Variants in PIR observed in about 807,000 individuals in gnomAD.
PIR encodes the protein pirin (iron-binding nuclear protein).
A neutral mutation model predicts 24.2 loss-of-function variants in PIR; 22 were observed. The ratio of observed to expected loss-of-function variants is 0.91; its 90% confidence interval spans 0.65 to 1.30. PIR has a LOEUF of 1.30. Among genes scored for constraint, PIR ranks in the 50% most tolerant of loss-of-function variants. The pLI is 0.00. For synonymous variants in PIR, 80 were observed against 79.6 expected (o/e 1.00, Z -0.03); for missense variants, 220 against 220.3 (o/e 1.00, Z 0.01).
At chrX:15,407,335 T>G (rs1924579684) in intron 7 of PIR, among the ~76,000 whole-genome samples, 171 bp downstream of exon 7, 1 of 112,301 alleles carries the variant, frequency 8.9e-6, no homozygotes, top group African/African-American at 3.2e-5. Flanking sequence ...TTCTGTAAGC[T>G]GAAAGGCACC....
chrX:15,468,587 G>A (rs1023051193), intron 3 of PIR, among the ~76,000 whole-genome samples: 1 of 111,991 alleles, frequency 8.9e-6, no homozygotes, highest in African/African-American at 3.2e-5. Flanking sequence ...ACCTTTTTAT[G>A]GGTACGTTAT....
chrX:15,394,124 T>C (rs759257297), intron 8 of PIR, among the ~76,000 whole-genome samples: 1 of 110,729 alleles, frequency 9.0e-6, no homozygotes, highest in East Asian at 2.8e-4. Context: ...TATAGTGATA[T>C]ATTACCTGAA....
At chrX:15,443,515 T>C (rs1925988859) in intron 5 of PIR, among the ~76,000 whole-genome samples, 1 of 111,667 alleles carries the variant, frequency 9.0e-6, no homozygotes, top group Non-Finnish European at 1.9e-5. Flanking sequence ...TAATATTCAA[T>C]AATTTAATTG....
chrX:15,401,835 CT>C (rs58321652), intron 7 of PIR, among the ~76,000 whole-genome samples: 18,175 of 111,130 alleles, frequency 0.16, 1,402 homozygotes, highest in East Asian at 0.46. Context: ...TTTTCTTTTC[CT>C]TTTTTTCTAT....
chrX:15,400,040 C>T (rs1468738052), intron 7 of PIR, among the ~76,000 whole-genome samples: 1 of 111,547 alleles, frequency 9.0e-6, no homozygotes, highest in Non-Finnish European at 1.9e-5. Context: ...CCCACTGTGG[C>T]CAATTTCAAC....
chrX:15,441,044 T>A lies in PIR; in HGVS notation c.480+14804A>T, dbSNP rs137990156. Among the ~76,000 whole-genome samples the A allele has an allele frequency of 5.1e-3, 569 of 111,580 alleles. 6 individuals are homozygous for A. The highest frequency in any genetic ancestry group is 0.018 in the African/African-American group (537 of 30,657). Reference sequence around the variant, plus strand: ...TTACCTTTTGGGACTATTTTTAAAGTGAAATGAATGAGAATTGAGGTTGAA... The same window carrying A: ...TTACCTTTTGGGACTATTTTTAAAGAGAAATGAATGAGAATTGAGGTTGAA... On this transcript the variant is annotated intron_variant, in intron 5 of 9. Coordinates refer to ENST00000380420, the MANE Select transcript of PIR (RefSeq NM_001018109.3).
chrX:15,486,309 AAAG>A (rs200656844), intron 2 of PIR, among the ~76,000 whole-genome samples: 1,776 of 103,703 alleles, frequency 0.017, 68 homozygotes, highest in African/African-American at 0.058. Flanking sequence ...AAAAAAAAAA[AAAG>A]AAGGTCAATC....
intron 3 of PIR, among the ~76,000 whole-genome samples, chrX:15,461,643 T>C (rs111631507): frequency 0.032 from 3,496 of 110,345 alleles, 147 homozygotes; most frequent in African/African-American, 0.11. Context: ...ATTAGCCGGG[T>C]GTGGTGGCAG....
chrX:15,395,690 C>T (rs1275638137), intron 8 of PIR, among the ~76,000 whole-genome samples: 2 of 112,484 alleles, frequency 1.8e-5, no homozygotes, highest in Non-Finnish European at 3.8e-5. Context: ...GCAGTAAAGC[C>T]AAGATTCAAA....
chrX:15,434,751 C>T (rs1925694818), intron 5 of PIR, among the ~76,000 whole-genome samples: 2 of 106,450 alleles, frequency 1.9e-5, no homozygotes, highest in African/African-American at 6.9e-5. Context: ...GTTATTATCT[C>T]CCAGTTTGTT....
intron 5 of PIR, among the ~76,000 whole-genome samples, chrX:15,450,455 A>G (rs931073977): frequency 6.0e-4 from 66 of 110,718 alleles, no homozygotes; most frequent in African/African-American, 2.1e-3. Context: ...CGTATATGTT[A>G]CCTGTTTCCA....
At chrX:15,418,677 G>A (rs762532986) in intron 6 of PIR, among the ~76,000 whole-genome samples, 3 of 111,889 alleles carry the variant, frequency 2.7e-5, no homozygotes, top group Admixed American at 1.9e-4. Flanking sequence ...CTAGCCTGAA[G>A]GAAATAAAGA....
rs372506134 is a variant in PIR at position 15,491,202 on chromosome X, C to G, written c.56G>C (p.Gly19Ala). The G allele has an allele frequency of 2.5e-6, 3 of 1,206,123 alleles. No homozygotes were observed. The African/African-American group carries it at 5.3e-5, about 21-fold the overall frequency. ...LSVLSREQSEGVGARVRRSIG... is the reference protein window; with the variant it reads ...LSVLSREQSEAVGARVRRSIG... ...GCTTCTCCGGACCCTCGCTCCAACC[C>G]CTTCCGACTGCTCCCGGCTGAGCAC... is the stretch of plus-strand genomic sequence containing the variant. Residue 19 changes from glycine (G) to alanine (A), a missense_variant, in exon 2 of 10, where the codon GGG (glycine) becomes GCG (alanine). Transcript: ENST00000380420.
intron 5 of PIR, among the ~76,000 whole-genome samples, chrX:15,431,300 G>A (rs1328768665): frequency 9.0e-6 from 1 of 111,609 alleles, no homozygotes; most frequent in African/African-American, 3.3e-5. Context: ...AACTTTCGAC[G>A]AATCTCTTTG....
chrX:15,475,045 G>GTT (rs200655511), intron 3 of PIR, among the ~76,000 whole-genome samples: 55 of 106,478 alleles, frequency 5.2e-4, no homozygotes, highest in African/African-American at 1.8e-3. Flanking sequence ...ATTTAATCAA[G>GTT]TTTTTTTTTT....
At position 15,491,208 on chromosome X, in the gene PIR, G is replaced by A. The variant is rs769214822; in HGVS notation, c.50C>T (p.Ser17Leu). The change falls in exon 2 of 10, where the codon TCG becomes TTG. Residue 17 changes from serine (S) to leucine (L), a missense_variant. Coordinates refer to ENST00000380420, the MANE Select transcript of PIR (RefSeq NM_001018109.3). The stretch of plus-strand genomic sequence containing the variant: ...CCGGACCCTCGCTCCAACCCCTTCC[G>A]ACTGCTCCCGGCTGAGCACTGAGAG... ...VTLSVLSREQ[S>L]EGVGARVRRS... 27 of 1,205,507 alleles carry A rather than the reference G, an allele frequency of 2.2e-5. No homozygotes were observed. The East Asian group carries it at 5.6e-4, about 25-fold the overall frequency.
At chrX:15,434,297 G>T (rs750621848) in intron 5 of PIR, among the ~76,000 whole-genome samples, 1 of 102,998 alleles carries the variant, frequency 9.7e-6, no homozygotes, top group Non-Finnish European at 2.0e-5. Flanking sequence ...AAAGAAGAAG[G>T]AGATAGAAGG....
chrX:15,427,394 A>T (rs1247105746), intron 5 of PIR, among the ~76,000 whole-genome samples: 1 of 111,009 alleles, frequency 9.0e-6, no homozygotes, highest in Admixed American at 9.6e-5. Context: ...CATTCATTAA[A>T]TACATGCATT....
chrX:15,468,280 C>T (rs930187448), intron 3 of PIR, among the ~76,000 whole-genome samples: 1 of 112,544 alleles, frequency 8.9e-6, no homozygotes, highest in Non-Finnish European at 1.9e-5. Context: ...ACATGCATGG[C>T]GTCTCTGCTT....
Sources: allele counts gnomAD v4.1 joint callset (sites outside exome capture counted in the v4.1 genomes callset), GRCh38; gene constraint gnomAD v4.1.1; transcripts MANE v1.5; gene names NCBI Gene and HGNC (gene_info 2026-07-23, HGNC 2026-07-21).